Variants in PPM1E observed in about 807,000 individuals in gnomAD.
The protein encoded by PPM1E is protein phosphatase, Mg2+/Mn2+ dependent 1E, also known as protein phosphatase 1E.
In PPM1E, 20 loss-of-function variants were observed where a neutral mutation model predicts 65.9. That is an observed-to-expected ratio of 0.30 (90% CI 0.21 to 0.44). The LOEUF (loss-of-function observed/expected upper bound fraction) is 0.44. PPM1E is among the 20% of genes least tolerant of loss of function. The pLI, the probability that PPM1E is intolerant of heterozygous loss-of-function variation, is 1.00. For missense variants in PPM1E, 713 were observed against 953.1 expected (o/e 0.75, Z 3.32); for synonymous variants, 352 against 374.9 (o/e 0.94, Z 0.70).
intron 1 of PPM1E, among the ~76,000 whole-genome samples, chr17:58,894,541 AAATGTCACCAC>A (rs1375818041): frequency 6.6e-6 from 1 of 152,164 alleles, no homozygotes; most frequent in African/African-American, 2.4e-5. Context: ...CCATCAGTGA[AAATGTCACCAC>A]AATAACTTCT....
Position 58,847,748 on chromosome 17 carries a change from A to G in PPM1E, c.464+91287A>G, listed in dbSNP as rs192611571. ...CTTTTGGCTTAGGATTGTCTTGGCA[A>G]TGCAGGCTCTTTTTTGATTCCATAT... On this transcript the variant is annotated intron_variant, in intron 1 of 6. Coordinates refer to ENST00000308249, the MANE Select transcript of PPM1E (RefSeq NM_014906.5). Among the ~76,000 whole-genome samples the G allele has an allele frequency of 4.5e-3, 685 of 152,300 alleles. 3 individuals carry two copies. The highest frequency in any genetic ancestry group is 0.016 in the African/African-American group (649 of 41,576).
chr17:58,858,678 G>A (rs560035371), intron 1 of PPM1E, among the ~76,000 whole-genome samples: 34 of 152,188 alleles, frequency 2.2e-4, no homozygotes, highest in African/African-American at 2.4e-5. Context: ...GTATCTCATT[G>A]TGTACATATA....
At chr17:58,883,024 G>A (rs7208590) in intron 1 of PPM1E, among the ~76,000 whole-genome samples, 82,860 of 143,432 alleles carry the variant, frequency 0.58, 23,874 homozygotes, top group Middle Eastern at 0.65. Flanking sequence ...GTGTGATCTC[G>A]GCTCACTGCA....
In PPM1E at chr17:58,955,633, A is replaced by G; in HGVS notation, c.465-16A>G. 6.2e-7 allele frequency: 1 copy of G among 1,612,306 alleles called. No homozygotes were observed. The highest frequency in any genetic ancestry group is 1.3e-5 in the African/African-American group (1 of 74,916). ...ATTCTTTTGCTGAAAATGGCCTTTT[A>G]TCTTTTTTCTTGCAGTAATTGCCCT... is the stretch of plus-strand genomic sequence containing the variant. On this transcript the variant is annotated splice_polypyrimidine_tract_variant and intron_variant, in intron 1 of 6. Transcript: ENST00000308249.
At chr17:58,958,412 T>C (rs528560292) in intron 2 of PPM1E, among the ~76,000 whole-genome samples, 150 of 152,010 alleles carry the variant, frequency 9.9e-4, no homozygotes, top group Non-Finnish European at 1.5e-3. Flanking sequence ...GGTCTCGCTA[T>C]GTTGCCTAGG....
rs2050147922 is a variant in PPM1E, at chr17:58,790,610, G to A, written c.464+34149G>A. On this transcript the variant is annotated intron_variant, in intron 1 of 6. Coordinates refer to ENST00000308249, the MANE Select transcript of PPM1E (RefSeq NM_014906.5). ...TGTAAAGCTTGTGTCTGGGTCTCTG[G>A]AAATATTTTTCTTGAGATAATCCCT... 1.3e-5 allele frequency among the ~76,000 whole-genome samples: 2 copies of A among 152,114 alleles called. 1 individual carries two copies. The highest frequency in any genetic ancestry group is 4.1e-4 in the South Asian group (2 of 4,830).
intron 1 of PPM1E, among the ~76,000 whole-genome samples, chr17:58,851,434 G>A (rs1485095790): frequency 6.6e-6 from 1 of 152,190 alleles, no homozygotes; most frequent in African/African-American, 2.4e-5. Context: ...GGTCTTTGAT[G>A]ATGGTGATGT....
intron 1 of PPM1E, among the ~76,000 whole-genome samples, chr17:58,882,295 G>T (rs2051204841): frequency 1.3e-5 from 2 of 152,046 alleles, no homozygotes; most frequent in South Asian, 4.1e-4. Context: ...ATCTTTTTCT[G>T]TTTATTTACA....
At chr17:58,931,162 G>A (rs566966739) in intron 1 of PPM1E, among the ~76,000 whole-genome samples, 20 of 151,980 alleles carry the variant, frequency 1.3e-4, no homozygotes, top group African/African-American at 4.1e-4. Context: ...CAAGACGGGC[G>A]GATCACCTGA....
chr17:58,831,204 G>T (rs2050602914), intron 1 of PPM1E, among the ~76,000 whole-genome samples: 1 of 151,720 alleles, frequency 6.6e-6, no homozygotes, highest in Non-Finnish European at 1.5e-5. Context: ...TAGAGATGGG[G>T]TTTCACTGTG....
At chr17:58,826,203 G>A (rs904391958) in intron 1 of PPM1E, among the ~76,000 whole-genome samples, 2 of 151,356 alleles carry the variant, frequency 1.3e-5, no homozygotes, top group Non-Finnish European at 2.9e-5. Context: ...GGCTGAGGCA[G>A]GGAGAATTGC....
chr17:58,927,026 A>T lies in PPM1E; in HGVS notation c.465-28623A>T, dbSNP rs559314114. The stretch of plus-strand genomic sequence containing the variant: ...CTCACAATTTATTTTTTTAAATCTG[A>T]TAGAAATTTGTCAGAACATATGGAC... On this transcript the variant is annotated intron_variant, in intron 1 of 6. Transcript: ENST00000308249. 9.9e-5 allele frequency among the ~76,000 whole-genome samples: 15 copies of T among 152,026 alleles called. No homozygotes were observed. In the South Asian group the frequency reaches 3.1e-3, roughly 32 times the overall value.
intron 1 of PPM1E, among the ~76,000 whole-genome samples, chr17:58,953,383 A>G (rs181774813): frequency 2.9e-4 from 44 of 152,310 alleles, no homozygotes; most frequent in Non-Finnish European, 5.4e-4. Context: ...CCTCATGTGG[A>G]GATCACATGT....
At chr17:58,840,352 A>T (rs926815517) in intron 1 of PPM1E, among the ~76,000 whole-genome samples, 3 of 152,208 alleles carry the variant, frequency 2.0e-5, no homozygotes, top group Admixed American at 6.5e-5. Context: ...CATTGTTAGC[A>T]TAGGCTATCT....
intron 1 of PPM1E, among the ~76,000 whole-genome samples, chr17:58,875,325 C>G (rs1193248843): frequency 6.6e-6 from 1 of 152,186 alleles, no homozygotes; most frequent in Non-Finnish European, 1.5e-5. Flanking sequence ...AAAGAAAGCA[C>G]AGATTGACAC....
chr17:58,800,962 A>G (rs2050252970), intron 1 of PPM1E, among the ~76,000 whole-genome samples: 1 of 151,582 alleles, frequency 6.6e-6, no homozygotes, highest in African/African-American at 2.4e-5. Flanking sequence ...CTTTCCTTTT[A>G]TTTACTCTGG....
At position 58,980,534 on chromosome 17, in the gene PPM1E, A is replaced by C; in HGVS notation, c.1771A>C (p.Met591Leu). 8 of 1,614,146 alleles carry C rather than the reference A, an allele frequency of 5.0e-6. No individual in the cohort carries two copies. Among genetic ancestry groups the C allele is most frequent in the Non-Finnish European group, 6.8e-6 (8 of 1,180,022 alleles). The change falls in exon 7 of 7, where the codon ATG (methionine) becomes CTG (leucine). Residue 591 changes from methionine to leucine, a missense_variant. Physicochemically the swap from Met to Leu is conservative, Grantham distance 15. Around this residue, in one of 6 missense-constraint regions of PPM1E, gnomAD observed 286 missense variants for 313.8 expected, o/e 0.91. Transcript: ENST00000308249. The surrounding 1 kb of genome is among the most constrained non-coding windows in gnomAD (Gnocchi z 4.7). ...TGCCCAGTTTTTGCTACCAGTTGAGATGTTTGGTCCTGGTGCACCAAAGAA... is the reference window on the plus strand; with the variant it reads ...TGCCCAGTTTTTGCTACCAGTTGAGCTGTTTGGTCCTGGTGCACCAAAGAA... ...HSAQFLLPVE[M>L]FGPGAPKKAN...
intron 1 of PPM1E, among the ~76,000 whole-genome samples, chr17:58,828,525 C>T (rs548774845): frequency 1.6e-4 from 25 of 152,030 alleles, no homozygotes; most frequent in African/African-American, 2.9e-4. Flanking sequence ...AGTGCAATGC[C>T]GCGATCTCGC....
At chr17:58,876,180 A>G (rs1044191260) in intron 1 of PPM1E, among the ~76,000 whole-genome samples, 2 of 152,194 alleles carry the variant, frequency 1.3e-5, no homozygotes, top group Non-Finnish European at 2.9e-5. Context: ...GATTTGTAGC[A>G]TGTTCTATAA....
Sources: allele counts gnomAD v4.1 joint callset (sites outside exome capture counted in the v4.1 genomes callset), GRCh38; gene constraint gnomAD v4.1.1; regional missense constraint gnomAD v4.1.1; non-coding constraint Gnocchi (gnomAD v3.1); transcripts MANE v1.5; gene names NCBI Gene and HGNC (gene_info 2026-07-23, HGNC 2026-07-21).